Variants in NELL2 observed in about 807,000 individuals in gnomAD.
NELL2 encodes protein kinase C-binding protein NELL2.
In NELL2, 41 loss-of-function variants were observed where a neutral mutation model predicts 109.6. The observed-to-expected ratio is 0.37, with a 90% CI of 0.29 to 0.49. NELL2 has a LOEUF of 0.49. NELL2 is among the 20% of genes least tolerant of loss of function. The probability of loss-of-function intolerance (pLI) is 0.98; values close to 1 mark genes in which losing one functional copy is unlikely to be tolerated. For synonymous variants in NELL2, 355 were observed against 344.7 expected (o/e 1.03, Z -0.33); for missense variants, 900 against 1,008.3 (o/e 0.89, Z 1.45).
intron 2 of NELL2, among the ~76,000 whole-genome samples, chr12:44,833,928 G>C (rs1943966857): frequency 6.6e-6 from 1 of 152,180 alleles, no homozygotes; most frequent in South Asian, 2.1e-4. Context: ...TTTAAAACAA[G>C]CTGCTTTCTT....
intron 2 of NELL2, among the ~76,000 whole-genome samples, chr12:44,817,837 C>T (rs1162148224): frequency 6.6e-6 from 1 of 152,162 alleles, no homozygotes; most frequent in Non-Finnish European, 1.5e-5. Context: ...AATGATCCCT[C>T]CCCACTCTCA....
chr12:44,583,399 C>A (rs1378039184), intron 15 of NELL2, among the ~76,000 whole-genome samples: 1 of 152,150 alleles, frequency 6.6e-6, no homozygotes, highest in Non-Finnish European at 1.5e-5. Context: ...ACACCACACC[C>A]CGCCAACACC....
chr12:44,681,560 C>T (rs938046928), intron 12 of NELL2, among the ~76,000 whole-genome samples: 5 of 152,056 alleles, frequency 3.3e-5, no homozygotes, highest in South Asian at 4.1e-4. Context: ...AATGCTATCC[C>T]TCCCCTCTCC....
chr12:44,881,357 T>A lies in NELL2; in HGVS notation c.39-5457A>T, dbSNP rs1945410056. ...ATTAAAGAAACTATTATAAAAATGC[T>A]CTAACAAATAAACACAAATACTCTT... On this transcript the variant is annotated intron_variant, in intron 1 of 20. Transcript: ENST00000333837. Among the ~76,000 whole-genome samples the A allele has an allele frequency of 2.0e-5, 3 of 151,830 alleles. 1 individual carries two copies. In the South Asian group the frequency reaches 6.2e-4, roughly 32 times the overall value.
chr12:44,520,988 A>G (rs1941500229), intron 18 of NELL2, among the ~76,000 whole-genome samples: 1 of 152,204 alleles, frequency 6.6e-6, no homozygotes, highest in Non-Finnish European at 1.5e-5. Context: ...AAATAACCTC[A>G]CACAAATAGA....
At chr12:44,592,659 G>A (rs942517438) in intron 15 of NELL2, among the ~76,000 whole-genome samples, 1 of 152,148 alleles carries the variant, frequency 6.6e-6, no homozygotes, top group Non-Finnish European at 1.5e-5. Flanking sequence ...GCAGGGGTCA[G>A]TCTCTGGGGA....
At chr12:44,593,414 T>A (rs766663304) in intron 15 of NELL2, among the ~76,000 whole-genome samples, 8 of 152,214 alleles carry the variant, frequency 5.3e-5, no homozygotes, top group Admixed American at 1.3e-4. Flanking sequence ...ACTGCCATTT[T>A]GGAGCTATAT....
At chr12:44,520,381 G>T (rs890846075) in intron 18 of NELL2, 152 bp from the exon 19 acceptor site, 15 of 642,106 alleles carry the variant, frequency 2.3e-5, no homozygotes, top group Non-Finnish European at 3.7e-5. Flanking sequence ...AATCTTTCAG[G>T]GAATCTATTA....
intron 9 of NELL2, among the ~76,000 whole-genome samples, chr12:44,770,591 A>G (rs1299465830): frequency 6.6e-6 from 1 of 152,244 alleles, no homozygotes; most frequent in Non-Finnish European, 1.5e-5. Flanking sequence ...ATTAAAGTGT[A>G]ATCTATATTA....
chr12:44,861,657 G>T (rs1456780055), intron 2 of NELL2, among the ~76,000 whole-genome samples: 1 of 152,128 alleles, frequency 6.6e-6, no homozygotes, highest in African/African-American at 2.4e-5. Flanking sequence ...GCCCAAAGCT[G>T]GGTCTAAGGA....
At chr12:44,745,044 A>G (rs1940247432) in intron 9 of NELL2, among the ~76,000 whole-genome samples, 1 of 152,256 alleles carries the variant, frequency 6.6e-6, no homozygotes, top group Admixed American at 6.5e-5. Flanking sequence ...CATCAATGCG[A>G]AAATCCTACA....
At chr12:44,698,824 G>A (rs1039543392) in intron 12 of NELL2, among the ~76,000 whole-genome samples, 2 of 152,090 alleles carry the variant, frequency 1.3e-5, no homozygotes, top group Admixed American at 6.6e-5. Flanking sequence ...CCTGTTCTTG[G>A]TATAATGTCA....
chr12:44,668,430 G>A (rs879506241), intron 12 of NELL2, among the ~76,000 whole-genome samples: 2 of 152,040 alleles, frequency 1.3e-5, no homozygotes, highest in Non-Finnish European at 2.9e-5. Context: ...CCCACCCAAT[G>A]CCCCTGCCAT....
At chr12:44,873,684 T>C (rs754345734) in intron 2 of NELL2, among the ~76,000 whole-genome samples, 43 of 152,022 alleles carry the variant, frequency 2.8e-4, no homozygotes, top group Non-Finnish European at 5.0e-4. Context: ...ATAACTTTGT[T>C]TCCAGTTCAT....
chr12:44,642,830 C>T (rs545356450), intron 13 of NELL2, among the ~76,000 whole-genome samples: 4 of 152,056 alleles, frequency 2.6e-5, no homozygotes, highest in Non-Finnish European at 5.9e-5. Context: ...TGCAGTGATC[C>T]GAGATCACGC....
intron 12 of NELL2, among the ~76,000 whole-genome samples, chr12:44,686,800 C>A (rs941573287): frequency 9.9e-5 from 15 of 152,276 alleles, no homozygotes; most frequent in Admixed American, 7.2e-4. Flanking sequence ...GTGCTGGGAG[C>A]GCCACTGCTC....
chr12:44,537,016 C>CAAA (rs34872244), intron 15 of NELL2, among the ~76,000 whole-genome samples: 3 of 107,782 alleles, frequency 2.8e-5, no homozygotes, highest in Middle Eastern at 4.7e-3. Context: ...AAACAAAAAC[C>CAAA]AAAAAAAAAA....
rs1160379616 is a variant in NELL2, at chr12:44,514,556, T to C, written c.2400+5449A>G. Among the ~76,000 whole-genome samples, 4 of 142,760 alleles carry C rather than the reference T, an allele frequency of 2.8e-5. No individual in the cohort carries two copies. The East Asian group carries it at 7.7e-4, about 28-fold the overall frequency. 93.7% of individuals were successfully genotyped at this position (142,760 alleles called of 152,430 possible). ...TTATTAGTTATTGTTGTCAATCTCT[T>C]ACTGTGCCAACTTATAAATTAAATT... On this transcript the variant is annotated intron_variant, in intron 19 of 19. Coordinates refer to ENST00000429094, the MANE Select transcript of NELL2 (RefSeq NM_001145108.2).
At chr12:44,774,685 T>C (rs1479604368) in intron 9 of NELL2, 62 bp downstream of exon 9, 3 of 1,322,834 alleles carry the variant, frequency 2.3e-6, no homozygotes, top group South Asian at 1.2e-5. Flanking sequence ...GATGGGTGAA[T>C]ACTTATTAAT....
Sources: allele counts gnomAD v4.1 joint callset (sites outside exome capture counted in the v4.1 genomes callset), GRCh38; gene constraint gnomAD v4.1.1; transcripts MANE v1.5; gene names NCBI Gene and HGNC (gene_info 2026-07-23, HGNC 2026-07-21).